The following CRACD variants were observed in gnomAD, a reference collection of about 807,000 sequenced individuals.
CRACD encodes capping protein-inhibiting regulator of actin dynamics.
CRACD carries 56 observed loss-of-function variants against 106.8 expected under a neutral mutation model. The observed-to-expected ratio is 0.52, with a 90% CI of 0.42 to 0.66. The LOEUF (loss-of-function observed/expected upper bound fraction) is 0.66, where lower values mean the gene tolerates loss of function less well. Ranked by LOEUF, CRACD falls within the 30% of genes least tolerant of loss-of-function variation. CRACD has a pLI of 0.00. For synonymous variants in CRACD, 754 were observed against 670.8 expected (o/e 1.12, Z -1.92); for missense variants, 1,730 against 1,623.2 (o/e 1.07, Z -1.13).
chr4:56,304,832 T>C (rs946182026), intron 4 of CRACD, among the ~76,000 whole-genome samples: 7 of 152,324 alleles, frequency 4.6e-5, no homozygotes, highest in African/African-American at 1.2e-4. Flanking sequence ...AAAGTTTAAG[T>C]ATATTCAATT....
intron 1 of CRACD, among the ~76,000 whole-genome samples, chr4:56,100,226 G>GAGCA (rs1733734387): frequency 6.6e-6 from 1 of 152,056 alleles, no homozygotes; most frequent in Non-Finnish European, 1.5e-5. Context: ...CTTGGCGACA[G>GAGCA]AGCAAGACTC....
intron 1 of CRACD, among the ~76,000 whole-genome samples, chr4:56,167,594 A>G (rs909421341): frequency 2.0e-5 from 3 of 152,216 alleles, no homozygotes; most frequent in African/African-American, 7.2e-5. Flanking sequence ...TAGATTCCAC[A>G]TATAAGCAAT....
At chr4:56,236,161 T>C (rs910687510) in intron 2 of CRACD, among the ~76,000 whole-genome samples, 2 of 152,160 alleles carry the variant, frequency 1.3e-5, no homozygotes, top group Non-Finnish European at 2.9e-5. Flanking sequence ...GCATGACTGA[T>C]GTCCTTAAAA....
At chr4:56,154,358 C>T (rs1490873006) in intron 1 of CRACD, among the ~76,000 whole-genome samples, 3 of 151,952 alleles carry the variant, frequency 2.0e-5, no homozygotes, top group Non-Finnish European at 2.9e-5. Flanking sequence ...CCCAGCTACT[C>T]GGGAGGCTAA....
chr4:56,164,386 G>A (rs538727366), intron 1 of CRACD, among the ~76,000 whole-genome samples: 4 of 150,020 alleles, frequency 2.7e-5, no homozygotes, highest in East Asian at 4.0e-4. Flanking sequence ...CACCTGCCTC[G>A]GCCTCCCAAA....
chr4:56,135,651 C>T (rs527941565), intron 1 of CRACD, among the ~76,000 whole-genome samples: 32 of 152,108 alleles, frequency 2.1e-4, no homozygotes, highest in Non-Finnish European at 4.1e-4. Context: ...TCTTTTAAAA[C>T]GATGTTGTTG....
At chr4:56,160,773 T>G (rs535220595) in intron 1 of CRACD, among the ~76,000 whole-genome samples, 2 of 152,248 alleles carry the variant, frequency 1.3e-5, no homozygotes, top group Non-Finnish European at 2.9e-5. Context: ...TATGCGCACC[T>G]GTTACGTGAT....
chr4:56,312,495 G>A (rs1220346683), intron 6 of CRACD, among the ~76,000 whole-genome samples: 2 of 152,118 alleles, frequency 1.3e-5, no homozygotes, highest in East Asian at 1.9e-4. Context: ...CAGGAATTTC[G>A]TGTTCCAGGT....
At chr4:56,164,153 G>A (rs1231583303) in intron 1 of CRACD, among the ~76,000 whole-genome samples, 1 of 111,440 alleles carries the variant, frequency 9.0e-6, no homozygotes, top group African/African-American at 3.5e-5. Context: ...TTTTTTTTTT[G>A]AGACGGAGTC....
At chr4:56,273,886 A>G (rs757729653) in intron 3 of CRACD, among the ~76,000 whole-genome samples, 1 of 152,234 alleles carries the variant, frequency 6.6e-6, no homozygotes, top group African/African-American at 2.4e-5. Flanking sequence ...ACCGTGCTTC[A>G]AGGACAGAGA....
At chr4:56,159,195 G>A (rs1735862507) in intron 1 of CRACD, among the ~76,000 whole-genome samples, 1 of 152,212 alleles carries the variant, frequency 6.6e-6, no homozygotes, top group Admixed American at 6.5e-5. Flanking sequence ...AGCACTGACT[G>A]CTATATCTCT....
Position 56,214,681 on chromosome 4 carries a change from C to CTCTATATATATATA in CRACD, c.-189+35252_-189+35253insCTATATATATATAT. On this transcript the variant is annotated intron_variant, in intron 2 of 10. Transcript: ENST00000682029. ...TCTCTCTCTCTCTCTCTCTCTCTCT[C>CTCTATATATATATA]TATATATATATATATCAAACAGTTA... Among the ~76,000 whole-genome samples the CTCTATATATATATA allele has an allele frequency of 9.4e-4, 76 of 80,998 alleles. 1 individual carries two copies. The highest frequency in any genetic ancestry group is 2.4e-3 in the African/African-American group (57 of 23,494). The allele number at this position is 80,998 out of a possible 152,430, so 53.1% of individuals were successfully genotyped here. A position where few individuals can be genotyped will look rare whatever the true frequency, so the allele number is the denominator to read the frequency against.
At chr4:56,248,175 C>T (rs1031801549) in intron 2 of CRACD, among the ~76,000 whole-genome samples, 5 of 152,170 alleles carry the variant, frequency 3.3e-5, no homozygotes, top group Admixed American at 1.3e-4. Context: ...AGGAGTGTTA[C>T]AGAGAACAGC....
Position 56,254,212 on chromosome 4 carries a change from C to A in CRACD, c.-188-18109C>A, listed in dbSNP as rs1226267723. ...GACAGTGACTGTCACAGGGCTGTTT[C>A]ATCTACATGTAGTGCTCTCCAATGA... On this transcript the variant is annotated intron_variant, in intron 2 of 10. Transcript: ENST00000682029. Among the ~76,000 whole-genome samples the A allele has an allele frequency of 2.0e-5, 3 of 152,168 alleles. No homozygotes were observed. In the East Asian group the frequency reaches 5.8e-4, roughly 29 times the overall value.
intron 1 of CRACD, among the ~76,000 whole-genome samples, chr4:56,143,659 C>T (rs767808826): frequency 1.3e-4 from 20 of 152,098 alleles, no homozygotes; most frequent in Non-Finnish European, 2.6e-4. Flanking sequence ...CAAGTAAACC[C>T]ATATTGGCCA....
chr4:56,064,818 A>G (rs1732403995), intron 1 of CRACD, among the ~76,000 whole-genome samples: 1 of 152,186 alleles, frequency 6.6e-6, no homozygotes, highest in Non-Finnish European at 1.5e-5. Flanking sequence ...TCTTGAAGTG[A>G]AACTGCTTTC....
intron 1 of CRACD, among the ~76,000 whole-genome samples, chr4:56,159,513 G>A (rs13138002): frequency 0.41 from 62,287 of 151,354 alleles, 13,384 homozygotes; most frequent in African/African-American, 0.54. Context: ...TTAGACGGGC[G>A]TGGTGGCGGG....
chr4:56,190,525 TG>T (rs1737324271), intron 2 of CRACD, among the ~76,000 whole-genome samples: 1 of 152,240 alleles, frequency 6.6e-6, no homozygotes, highest in Non-Finnish European at 1.5e-5. Context: ...TGGGCGATTC[TG>T]AATTAAACAA....
intron 10 of CRACD, among the ~76,000 whole-genome samples, chr4:56,324,910 A>G (rs1253929143): frequency 2.7e-5 from 3 of 112,934 alleles, no homozygotes; most frequent in Non-Finnish European, 6.4e-5. Context: ...GAAATGTTTG[A>G]GGTCATGGAT....
Sources: allele counts gnomAD v4.1 joint callset (sites outside exome capture counted in the v4.1 genomes callset), GRCh38; gene constraint gnomAD v4.1.1; transcripts MANE v1.5; gene names NCBI Gene and HGNC (gene_info 2026-07-23, HGNC 2026-07-21).